The following FYB2 variants were observed in gnomAD, a reference collection of about 807,000 sequenced individuals.
FYB2 encodes the protein FYN-binding protein 2.
In FYB2, 103 loss-of-function variants were observed where a neutral mutation model predicts 94.1. That is an observed-to-expected ratio of 1.09 (90% CI 0.93 to 1.29). The LOEUF (loss-of-function observed/expected upper bound fraction) is 1.29, where lower values mean the gene tolerates loss of function less well. FYB2 is among the 50% of genes most tolerant of loss of function. The pLI is 0.00. For synonymous variants in FYB2, 293 were observed against 287.9 expected, an observed-to-expected ratio of 1.02 and a Z score of -0.18; for missense variants, 896 against 841.5, an observed-to-expected ratio of 1.06 and a Z score of -0.80.
At chr1:56,757,200 T>G (rs1645353954) in intron 6 of FYB2, among the ~76,000 whole-genome samples, 1 of 152,168 alleles carries the variant, frequency 6.6e-6, no homozygotes, top group Non-Finnish European at 1.5e-5. Context: ...GCAAGTTCAT[T>G]TGTGCAGAAC....
chr1:56,813,905 T>C (rs1291369692), intron 1 of FYB2, among the ~76,000 whole-genome samples: 1 of 152,146 alleles, frequency 6.6e-6, no homozygotes, highest in East Asian at 1.9e-4. Flanking sequence ...GAGCCAGAAA[T>C]GTAAACCAGT....
intron 8 of FYB2, among the ~76,000 whole-genome samples, chr1:56,752,539 G>C (rs1201440251): frequency 6.6e-6 from 1 of 152,048 alleles, no homozygotes; most frequent in African/African-American, 2.4e-5. Flanking sequence ...AGAAGAATAA[G>C]AGGAGGGGCA....
At chr1:56,783,263 G>A (rs1163470396) in intron 4 of FYB2, among the ~76,000 whole-genome samples, 1 of 152,116 alleles carries the variant, frequency 6.6e-6, no homozygotes, top group Admixed American at 6.6e-5. Context: ...GTGTATCGAA[G>A]ATCTGAGCTG....
intron 14 of FYB2, chr1:56,737,612 T>A (rs1433079094): frequency 6.5e-6 from 1 of 152,796 alleles, no homozygotes; most frequent in Admixed American, 6.6e-5. Flanking sequence ...TGGCAATTGC[T>A]CCTATACAAT....
intron 4 of FYB2, among the ~76,000 whole-genome samples, chr1:56,768,502 C>A (rs1028115722): frequency 2.0e-5 from 3 of 152,102 alleles, no homozygotes; most frequent in Admixed American, 1.3e-4. Context: ...AAAGAGTCAC[C>A]AATGAGAAAT....
At chr1:56,765,364 C>A (rs771469716) in intron 5 of FYB2, among the ~76,000 whole-genome samples, 15 of 152,142 alleles carry the variant, frequency 9.9e-5, no homozygotes, top group Admixed American at 6.5e-5. Flanking sequence ...CTCACATAAT[C>A]TTTATGGACA....
At chr1:56,780,215 T>C (rs1159927229) in intron 4 of FYB2, among the ~76,000 whole-genome samples, 3 of 152,180 alleles carry the variant, frequency 2.0e-5, no homozygotes, top group Non-Finnish European at 2.9e-5. Context: ...TTCTCAATCA[T>C]GACTTTTCTG....
At chr1:56,750,153 T>G (rs1021957986) in intron 9 of FYB2, among the ~76,000 whole-genome samples, 1 of 151,884 alleles carries the variant, frequency 6.6e-6, no homozygotes, top group Non-Finnish European at 1.5e-5. Context: ...ACATAAATCA[T>G]GAATTGCAAT....
At chr1:56,785,768 G>A (rs1646120763) in intron 4 of FYB2, among the ~76,000 whole-genome samples, 1 of 152,132 alleles carries the variant, frequency 6.6e-6, no homozygotes, top group Non-Finnish European at 1.5e-5. Context: ...CCCTTCCCAT[G>A]CTGTGCTGCA....
intron 3 of FYB2, among the ~76,000 whole-genome samples, chr1:56,788,394 A>G (rs1646179841): frequency 6.6e-6 from 1 of 152,244 alleles, no homozygotes; most frequent in Admixed American, 6.5e-5. Context: ...CAACAAGATC[A>G]GATTGTGGTG....
chr1:56,817,004 A>T (rs1043713124), intron 1 of FYB2, among the ~76,000 whole-genome samples: 4 of 152,102 alleles, frequency 2.6e-5, no homozygotes, highest in Non-Finnish European at 5.9e-5. Context: ...TTACTGCAAT[A>T]ATCTCCTACC....
chr1:56,730,578 T>C (rs1455682314), intron 15 of FYB2, among the ~76,000 whole-genome samples: 1 of 151,760 alleles, frequency 6.6e-6, no homozygotes, highest in African/African-American at 2.4e-5. Context: ...CCTACTGAGA[T>C]TGAACCAAGA....
At chr1:56,744,364 G>T in intron 9 of FYB2, 98 bp from the exon 10 acceptor site, 1 of 901,548 alleles carries the variant, frequency 1.1e-6, no homozygotes, top group Non-Finnish European at 1.7e-6. Flanking sequence ...ATAAGAAAAG[G>T]CAGATTAAAT....
In FYB2 at chr1:56,740,761, G is replaced by T; in HGVS notation, c.1639C>A (p.Gln547Lys). Residue 547 changes from glutamine to lysine, a missense_variant, in exon 13 of 20, where the codon CAA becomes AAA. By Grantham distance (53) the Gln-to-Lys change is moderately conservative. Transcript: ENST00000343433. ...CTATCCTTTTCTTTCTTGAAGAATTGCTGCAGTCTTTTGAGTGCTTCTTTT... is the reference window on the plus strand; with the variant it reads ...CTATCCTTTTCTTTCTTGAAGAATTTCTGCAGTCTTTTGAGTGCTTCTTTT... Reference protein sequence around the residue: ...DGKEALKRLQQFFKKEKDRFK... With the variant: ...DGKEALKRLQKFFKKEKDRFK... The T allele has an allele frequency of 1.2e-6, 2 of 1,607,642 alleles. No homozygotes were observed. Among genetic ancestry groups the T allele is most frequent in the Non-Finnish European group, 1.7e-6 (2 of 1,176,658 alleles).
chr1:56,765,320 G>A (rs1007401524), intron 5 of FYB2, among the ~76,000 whole-genome samples: 1 of 152,172 alleles, frequency 6.6e-6, no homozygotes, highest in East Asian at 1.9e-4. Flanking sequence ...AGGGCATCTT[G>A]TTACTGCTGG....
intron 15 of FYB2, among the ~76,000 whole-genome samples, chr1:56,728,610 G>A (rs567886601): frequency 6.6e-5 from 10 of 152,178 alleles, no homozygotes; most frequent in African/African-American, 2.4e-4. Flanking sequence ...AATAACGAGG[G>A]ATAAAATAGC....
intron 5 of FYB2, among the ~76,000 whole-genome samples, chr1:56,765,355 T>A (rs1645596937): frequency 6.6e-6 from 1 of 152,170 alleles, no homozygotes; most frequent in South Asian, 2.1e-4. Flanking sequence ...TCAAAGTTCC[T>A]CACATAATCT....
At chr1:56,737,038 G>T in intron 15 of FYB2, 49 bp downstream of exon 15, 1 of 1,366,548 alleles carries the variant, frequency 7.3e-7, no homozygotes. Context: ...AAAGCATCAG[G>T]AAATGGGTCA....
intron 15 of FYB2, among the ~76,000 whole-genome samples, chr1:56,726,864 T>G (rs1322809444): frequency 6.6e-6 from 1 of 152,004 alleles, no homozygotes; most frequent in Non-Finnish European, 1.5e-5. Context: ...CCCTGATGTG[T>G]GGTAATCCAA....
Sources: allele counts gnomAD v4.1 joint callset (sites outside exome capture counted in the v4.1 genomes callset), GRCh38; gene constraint gnomAD v4.1.1; transcripts MANE v1.5; gene names NCBI Gene and HGNC (gene_info 2026-07-23, HGNC 2026-07-21).